Variants in SENP7 observed in about 807,000 individuals in gnomAD.
SENP7 encodes the protein SUMO specific peptidase 7, also known as sentrin-specific protease 7.
In SENP7, 64 loss-of-function variants were observed where a neutral mutation model predicts 141.2. The observed-to-expected ratio is 0.45, with a 90% CI of 0.37 to 0.56. The LOEUF (loss-of-function observed/expected upper bound fraction) is 0.56, where lower values mean the gene tolerates loss of function less well. Among genes scored for constraint, SENP7 ranks in the 20% least tolerant of loss-of-function variants. The pLI is 0.00. For synonymous variants in SENP7, 382 were observed against 426.4 expected (o/e 0.90, Z 1.28); for missense variants, 1,025 against 1,212.2 (o/e 0.85, Z 2.29).
chr3:101,441,682 GCCTGGAC>G (rs2062680524), intron 4 of SENP7, among the ~76,000 whole-genome samples: 1 of 152,036 alleles, frequency 6.6e-6, no homozygotes, highest in Admixed American at 6.6e-5. Context: ...GAACTGACCT[GCCTGGAC>G]CCTAACCACC....
chr3:101,357,031 C>T (rs1003840245), intron 11 of SENP7, among the ~76,000 whole-genome samples: 2 of 151,326 alleles, frequency 1.3e-5, no homozygotes, highest in African/African-American at 2.4e-5. Context: ...GACAGAGTTT[C>T]GCTGTGTCAC....
chr3:101,366,608 A>G lies in SENP7; in HGVS notation c.1140T>C (p.Asn380=). ...AACCGGCAGAGGCACTTTTGGTGGCATTACTCAAAGTCAACTCCTGACTGT... is the reference window on the plus strand; with the variant it reads ...AACCGGCAGAGGCACTTTTGGTGGCGTTACTCAAAGTCAACTCCTGACTGT... The part of the protein sequence containing the change: ...SLNSQELTLS[N]ATKSASAGST... Residue 380 remains asparagine, a synonymous_variant, in exon 9 of 24, where the codon AAT becomes AAC. Coordinates refer to ENST00000394095, the MANE Select transcript of SENP7 (RefSeq NM_020654.5). The G allele has an allele frequency of 6.2e-7, 1 of 1,614,016 alleles. No individual in the cohort carries two copies. Among genetic ancestry groups the G allele is most frequent in the South Asian group, 1.1e-5 (1 of 91,084 alleles).
chr3:101,391,529 T>C (rs1361233932), intron 6 of SENP7, among the ~76,000 whole-genome samples: 1 of 151,932 alleles, frequency 6.6e-6, no homozygotes, highest in African/African-American at 2.4e-5. Flanking sequence ...ACCTACAAGA[T>C]TGAATCAGGA....
intron 5 of SENP7, among the ~76,000 whole-genome samples, chr3:101,406,198 A>C (rs1235687017): frequency 6.6e-6 from 1 of 152,206 alleles, no homozygotes; most frequent in Non-Finnish European, 1.5e-5. Flanking sequence ...TGTCCATCAA[A>C]GATAGATTGG....
At chr3:101,451,569 T>A (rs2063137516) in intron 4 of SENP7, among the ~76,000 whole-genome samples, 1 of 152,074 alleles carries the variant, frequency 6.6e-6, no homozygotes, top group South Asian at 2.1e-4. Context: ...CATACGAAAA[T>A]CAATAAACGT....
intron 23 of SENP7, 76 bp downstream of exon 23, chr3:101,327,590 C>T (rs1340389735): frequency 8.1e-6 from 9 of 1,106,984 alleles, no homozygotes; most frequent in Non-Finnish European, 1.1e-5. Flanking sequence ...AGCATGAGAA[C>T]GGACTATTAC....
intron 4 of SENP7, among the ~76,000 whole-genome samples, chr3:101,440,854 T>A (rs955628995): frequency 6.6e-6 from 1 of 152,116 alleles, no homozygotes; most frequent in Non-Finnish European, 1.5e-5. Flanking sequence ...CTTTAATATA[T>A]GAAAATGAAT....
At chr3:101,497,683 C>G (rs892026250) in intron 2 of SENP7, among the ~76,000 whole-genome samples, 2 of 152,010 alleles carry the variant, frequency 1.3e-5, no homozygotes, top group African/African-American at 4.8e-5. Context: ...ATAAGTGAAG[C>G]CAAGCACAGT....
chr3:101,491,201 T>C (rs2064955938), intron 3 of SENP7, among the ~76,000 whole-genome samples: 1 of 151,980 alleles, frequency 6.6e-6, no homozygotes, highest in Non-Finnish European at 1.5e-5. Flanking sequence ...TAGCTTTCTT[T>C]AATCTTGAAC....
At chr3:101,330,684 T>C (rs2059025187) in intron 19 of SENP7, among the ~76,000 whole-genome samples, 1 of 152,212 alleles carries the variant, frequency 6.6e-6, no homozygotes, top group South Asian at 2.1e-4. Flanking sequence ...AATCAAAATG[T>C]CTGCTATTTA....
chr3:101,439,974 G>A (rs1427847725), intron 4 of SENP7, among the ~76,000 whole-genome samples: 1 of 88,528 alleles, frequency 1.1e-5, no homozygotes, highest in Non-Finnish European at 2.7e-5. Flanking sequence ...CGCCCGGCCA[G>A]CCGCCCCGTC....
At chr3:101,450,097 G>C (rs565327628) in intron 4 of SENP7, among the ~76,000 whole-genome samples, 100 of 151,880 alleles carry the variant, frequency 6.6e-4, no homozygotes, top group African/African-American at 2.4e-3. Flanking sequence ...AACCAACAAA[G>C]ATCAAAAGAG....
At chr3:101,340,284 A>G in intron 15 of SENP7, 73 bp from the exon 16 acceptor site, 1 of 1,476,196 alleles carries the variant, frequency 6.8e-7, no homozygotes, top group Non-Finnish European at 9.0e-7. Flanking sequence ...CTTATATGAA[A>G]CAATAACTGG....
At chr3:101,378,435 T>C (rs1050667952) in intron 6 of SENP7, among the ~76,000 whole-genome samples, 1 of 151,806 alleles carries the variant, frequency 6.6e-6, no homozygotes, top group Non-Finnish European at 1.5e-5. Context: ...GGCTCACTAG[T>C]AGACAGGATA....
In SENP7 at chr3:101,477,469, C is replaced by T. The variant is rs568235504; in HGVS notation, c.186+16404G>A. Among the ~76,000 whole-genome samples the T allele has an allele frequency of 1.5e-4, 22 of 150,924 alleles. 1 individual carries two copies. The highest frequency in any genetic ancestry group is 4.6e-4 in the African/African-American group (19 of 41,176). ...AGAGAGAAATTTATAGCAATAAATA[C>T]GTATGACAAAAAAGTATAAAGATTT... On this transcript the variant is annotated intron_variant, in intron 3 of 23. Coordinates refer to ENST00000394095, the MANE Select transcript of SENP7 (RefSeq NM_020654.5).
intron 11 of SENP7, among the ~76,000 whole-genome samples, chr3:101,354,098 G>T (rs1339392788): frequency 1.2e-4 from 18 of 151,322 alleles, no homozygotes; most frequent in Admixed American, 1.2e-3. Context: ...TTTTTTAATT[G>T]CTTATATTCT....
At chr3:101,335,347 G>A (rs2059157448) in intron 17 of SENP7, among the ~76,000 whole-genome samples, 1 of 152,118 alleles carries the variant, frequency 6.6e-6, no homozygotes, top group Admixed American at 6.6e-5. Context: ...TTTTGATGTG[G>A]ATTTATTGGC....
rs116093773 is a variant in SENP7 at position 101,420,568 on chromosome 3, T to C, written c.285-2778A>G. On this transcript the variant is annotated intron_variant, in intron 4 of 23. Coordinates refer to ENST00000394095, the MANE Select transcript of SENP7 (RefSeq NM_020654.5). Reference sequence around the variant, plus strand: ...AACAGATAATTGAGTTCACAGATGATTATTAATTGCAAAGAAGAAAAGGTG... The same window carrying C: ...AACAGATAATTGAGTTCACAGATGACTATTAATTGCAAAGAAGAAAAGGTG... Among the ~76,000 whole-genome samples, 518 of 152,326 alleles carry C rather than the reference T, an allele frequency of 3.4e-3. 3 individuals are homozygous for C. Among genetic ancestry groups the C allele is most frequent in the African/African-American group, 0.012 (487 of 41,566 alleles).
intron 4 of SENP7, among the ~76,000 whole-genome samples, chr3:101,432,808 C>T (rs1376702127): frequency 1.3e-5 from 2 of 152,150 alleles, no homozygotes; most frequent in African/African-American, 2.4e-5. Context: ...AGGATGGCTA[C>T]AAGTAAGCAC....
Sources: allele counts gnomAD v4.1 joint callset (sites outside exome capture counted in the v4.1 genomes callset), GRCh38; gene constraint gnomAD v4.1.1; transcripts MANE v1.5; gene names NCBI Gene and HGNC (gene_info 2026-07-23, HGNC 2026-07-21).